Variants in TMCC1 observed in about 807,000 individuals in gnomAD.
The protein encoded by TMCC1 is transmembrane and coiled-coil domains protein 1.
TMCC1 carries 15 observed loss-of-function variants against 52.4 expected under a neutral mutation model. The ratio of observed to expected loss-of-function variants is 0.29; its 90% CI spans 0.19 to 0.44. The LOEUF is 0.44. Ranked by LOEUF, TMCC1 falls within the 20% of genes least tolerant of loss-of-function variation. The probability of loss-of-function intolerance (pLI) is 1.00; values close to 1 mark genes in which losing one functional copy is unlikely to be tolerated. For synonymous variants in TMCC1, 279 were observed against 301.9 expected (o/e 0.92, Z 0.79); for missense variants, 503 against 806.0 (o/e 0.62, Z 4.55).
At chr3:129,845,455 C>A (rs552191175) in intron 2 of TMCC1, among the ~76,000 whole-genome samples, 2 of 152,216 alleles carry the variant, frequency 1.3e-5, no homozygotes, top group African/African-American at 4.8e-5. Context: ...GTATACTTAT[C>A]TCAAAATGAA....
chr3:129,670,508 A>G lies in TMCC1; in HGVS notation c.1333T>C (p.Ser445Pro). ...STTGGIAVGA[S>P]SSKTNTLDMQ... ...TCCAGGGTGTTTGTTTTGGAGCTGG[A>G]TGCTCCTACAGCGATGCCCCCTGTG... The change falls in exon 5 of 7, where the codon TCC becomes CCC. Residue 445 changes from serine to proline, a missense_variant. Transcript: ENST00000393238. 1 of 1,614,174 alleles carries G rather than the reference A, an allele frequency of 6.2e-7. No individual in the cohort carries two copies. The highest frequency in any genetic ancestry group is 8.5e-7 in the Non-Finnish European group (1 of 1,180,022).
intron 4 of TMCC1, among the ~76,000 whole-genome samples, chr3:129,808,608 GA>G (rs1158418724): frequency 6.6e-6 from 1 of 151,544 alleles, no homozygotes; most frequent in Non-Finnish European, 1.5e-5. Context: ...ATTAACTCCA[GA>G]GACAGCAAAA....
At chr3:129,751,197 C>A (rs533298509) in intron 4 of TMCC1, among the ~76,000 whole-genome samples, 2 of 150,162 alleles carry the variant, frequency 1.3e-5, no homozygotes, top group Non-Finnish European at 3.0e-5. Flanking sequence ...GGAGACCTGT[C>A]TCAAAAAACA....
Position 129,650,421 on chromosome 3 carries a change from A to T in TMCC1, c.*1060T>A, listed in dbSNP as rs1376098843. ...GTATGTCGGGACACCAAAAAGCAGC[A>T]GCAGCAGCCAGAGGGAGTTTAAACT... On this transcript the variant is annotated 3_prime_UTR_variant, in exon 7 of 7. Coordinates refer to ENST00000393238, the MANE Select transcript of TMCC1 (RefSeq NM_001017395.5). 6.6e-6 allele frequency: 1 copy of T among 152,632 alleles called. No homozygotes were observed. The highest frequency in any genetic ancestry group is 1.5e-5 in the Non-Finnish European group (1 of 68,092). The allele number at this position is 152,632 out of a possible 1,614,324, so 9.5% of individuals were successfully genotyped here. A position where few individuals can be genotyped will look rare whatever the true frequency, so the allele number is the denominator to read the frequency against.
intron 4 of TMCC1, among the ~76,000 whole-genome samples, chr3:129,784,695 A>C (rs187287036): frequency 6.6e-6 from 1 of 152,194 alleles, no homozygotes; most frequent in African/African-American, 2.4e-5. Context: ...TCAGCTAGAC[A>C]CGGTGGTTCG....
chr3:129,729,897 G>A (rs141047783), intron 4 of TMCC1, among the ~76,000 whole-genome samples: 27 of 152,200 alleles, frequency 1.8e-4, no homozygotes, highest in South Asian at 8.3e-4. Context: ...AATATTGAGC[G>A]GAGATGGGAG....
At chr3:129,871,772 G>A (rs1478718576) in intron 2 of TMCC1, among the ~76,000 whole-genome samples, 1 of 152,012 alleles carries the variant, frequency 6.6e-6, no homozygotes, top group Admixed American at 6.6e-5. Context: ...AAGAAAAAAT[G>A]TGTAATCAAT....
intron 4 of TMCC1, among the ~76,000 whole-genome samples, chr3:129,706,293 T>C (rs1352430469): frequency 6.6e-6 from 1 of 151,406 alleles, no homozygotes; most frequent in Non-Finnish European, 1.5e-5. Flanking sequence ...AACCTCCGCC[T>C]CCTGGGTTCT....
intron 4 of TMCC1, among the ~76,000 whole-genome samples, chr3:129,818,304 C>A (rs1421772409): frequency 6.6e-6 from 1 of 151,914 alleles, no homozygotes; most frequent in Non-Finnish European, 1.5e-5. Context: ...CTGTGATCAG[C>A]AGACATCAGT....
intron 4 of TMCC1, among the ~76,000 whole-genome samples, chr3:129,748,507 C>T (rs1019682412): frequency 2.4e-4 from 36 of 152,056 alleles, no homozygotes; most frequent in Non-Finnish European, 4.7e-4. Flanking sequence ...AGGCTGGTCT[C>T]GAACTCCTGA....
chr3:129,818,433 CTT>C (rs2058223114), intron 4 of TMCC1, among the ~76,000 whole-genome samples: 1 of 145,654 alleles, frequency 6.9e-6, no homozygotes, highest in African/African-American at 2.5e-5. Context: ...TTTAAAGAAA[CTT>C]TTAAAGAAAA....
intron 4 of TMCC1, among the ~76,000 whole-genome samples, chr3:129,731,100 A>G (rs1294656208): frequency 1.3e-5 from 2 of 152,228 alleles, no homozygotes; most frequent in African/African-American, 4.8e-5. Flanking sequence ...AATCAAACCT[A>G]GCAATGTATA....
At chr3:129,832,517 GCTCACA>G (rs2058967602) in intron 3 of TMCC1, among the ~76,000 whole-genome samples, 1 of 152,134 alleles carries the variant, frequency 6.6e-6, no homozygotes, top group Non-Finnish European at 1.5e-5. Context: ...TATGCCATTA[GCTCACA>G]CTCAGAAAAC....
intron 4 of TMCC1, among the ~76,000 whole-genome samples, chr3:129,799,993 G>C (rs1376670991): frequency 6.6e-6 from 1 of 152,088 alleles, no homozygotes; most frequent in Non-Finnish European, 1.5e-5. Context: ...TCAAGATATA[G>C]AATATTTGCT....
chr3:129,747,276 G>GA lies in TMCC1; in HGVS notation c.577-76013dup, dbSNP rs1000725777. 4.6e-5 allele frequency among the ~76,000 whole-genome samples: 7 copies of GA among 151,674 alleles called. No homozygotes were observed. In the East Asian group the frequency reaches 1.4e-3, roughly 29 times the overall value. ...ATGAAAACTATGCATTCTTTCTCCC[G>GA]AAAAAAAATTCACACACATGCAAAT... On this transcript the variant is annotated intron_variant, in intron 4 of 6. Coordinates refer to ENST00000393238, the MANE Select transcript of TMCC1 (RefSeq NM_001017395.5).
rs923445241 is a variant in TMCC1 at position 129,828,345 on chromosome 3, C to A, written c.34G>T (p.Asp12Tyr). The change falls in exon 4 of 7, where the codon GAC becomes TAC. Residue 12 changes from aspartate to tyrosine, a missense_variant. Coordinates refer to ENST00000393238, the MANE Select transcript of TMCC1 (RefSeq NM_001017395.5). The surrounding 1 kb of genome is among the most constrained non-coding windows in gnomAD (Gnocchi z 4.1). ...TGGGATTTGCCTCCAGGATCAGGGTCCTCAAATAACTGTTCACTGCCCGAA... is the reference window on the plus strand; with the variant it reads ...TGGGATTTGCCTCCAGGATCAGGGTACTCAAATAACTGTTCACTGCCCGAA... Reference protein sequence around the residue: ...EPSGSEQLFEDPDPGGKSQDA... With the variant: ...EPSGSEQLFEYPDPGGKSQDA... The A allele has an allele frequency of 6.2e-7, 1 of 1,613,954 alleles. No individual in the cohort carries two copies. Among genetic ancestry groups the A allele is most frequent in the Non-Finnish European group, 8.5e-7 (1 of 1,179,976 alleles).
At chr3:129,809,246 C>A (rs1217960682) in intron 4 of TMCC1, among the ~76,000 whole-genome samples, 583 of 91,048 alleles carry the variant, frequency 6.4e-3, no homozygotes, top group African/African-American at 0.015. Flanking sequence ...GATTCCATCT[C>A]AAAAAAAAAA....
At chr3:129,659,752 A>G (rs769672184) in intron 5 of TMCC1, among the ~76,000 whole-genome samples, 24 of 151,966 alleles carry the variant, frequency 1.6e-4, no homozygotes, top group Admixed American at 8.5e-4. Flanking sequence ...CTCCATCTTC[A>G]CTCCTGCCAT....
chr3:129,689,506 A>G (rs1216212299), intron 4 of TMCC1, among the ~76,000 whole-genome samples: 1 of 152,224 alleles, frequency 6.6e-6, no homozygotes, highest in Non-Finnish European at 1.5e-5. Flanking sequence ...AAGGAATCAG[A>G]CATGAAGACA....
Sources: gnomAD v4.1 joint callset for allele counts (sites outside exome capture counted in the v4.1 genomes callset) on GRCh38, gnomAD v4.1.1 for gene constraint, Gnocchi (gnomAD v3.1) non-coding constraint, MANE v1.5 for transcripts, NCBI Gene and HGNC (gene_info 2026-07-23, HGNC 2026-07-21) for gene names.